Variants in ERC2 observed in about 807,000 individuals in gnomAD.
ERC2 encodes the protein ELKS/RAB6-interacting/CAST family member 2, also known as ERC protein 2.
In ERC2, 42 loss-of-function variants were observed where a neutral mutation model predicts 114.8. The observed-to-expected ratio is 0.37, with a 90% confidence interval of 0.29 to 0.47. The LOEUF is 0.47. ERC2 is among the 20% of genes least tolerant of loss of function. ERC2 has a pLI of 0.99. For missense variants in ERC2, 939 were observed against 1,150.7 expected (o/e 0.82, Z 2.66); for synonymous variants, 454 against 425.5 (o/e 1.07, Z -0.82).
At position 55,571,755 on chromosome 3, in the gene ERC2, A is replaced by G. The variant is rs185158114; in HGVS notation, c.*40-60479T>C. 2.8e-3 allele frequency among the ~76,000 whole-genome samples: 420 copies of G among 152,338 alleles called. 3 individuals carry two copies. The highest frequency in any genetic ancestry group is 8.9e-3 in the African/African-American group (370 of 41,568). On this transcript the variant is annotated intron_variant, in intron 17 of 17. Transcript: ENST00000288221. The stretch of plus-strand genomic sequence containing the variant: ...CTCTTGGAATTGTGAGCAACAAATC[A>G]TCTTTTCAGTGGCCTCACCAGACCT...
At chr3:56,274,314 C>T (rs1049261909) in intron 3 of ERC2, among the ~76,000 whole-genome samples, 4 of 152,210 alleles carry the variant, frequency 2.6e-5, no homozygotes, top group African/African-American at 9.6e-5. Context: ...CTGCCCAGCC[C>T]TGTTTGTGGA....
chr3:55,663,692 T>G (rs2061236231), intron 17 of ERC2, among the ~76,000 whole-genome samples: 2 of 152,238 alleles, frequency 1.3e-5, no homozygotes, highest in Admixed American at 1.3e-4. Context: ...ACATTAAACT[T>G]TGCATTGTTT....
intron 17 of ERC2, among the ~76,000 whole-genome samples, chr3:55,574,651 T>C (rs1363304145): frequency 6.6e-6 from 1 of 152,126 alleles, no homozygotes. Context: ...ACAAGAGTCT[T>C]GTAGAGCCAC....
intron 15 of ERC2, among the ~76,000 whole-genome samples, chr3:55,703,239 C>T (rs1415232985): frequency 6.6e-6 from 1 of 152,164 alleles, no homozygotes; most frequent in Non-Finnish European, 1.5e-5. Context: ...AGGAAAACAG[C>T]CTGGGTCTTT....
intron 2 of ERC2, among the ~76,000 whole-genome samples, chr3:56,369,082 C>T (rs1187214457): frequency 6.6e-6 from 1 of 152,184 alleles, no homozygotes; most frequent in Non-Finnish European, 1.5e-5. Flanking sequence ...CCCAAGGCAG[C>T]GGGCCAAGAA....
At chr3:55,548,909 C>A (rs1359855294) in intron 17 of ERC2, among the ~76,000 whole-genome samples, 1 of 152,156 alleles carries the variant, frequency 6.6e-6, no homozygotes, top group Non-Finnish European at 1.5e-5. Flanking sequence ...TCTCCAGCAG[C>A]CAGATCCTTC....
chr3:55,696,678 A>G (rs1440359133), intron 16 of ERC2, among the ~76,000 whole-genome samples: 1 of 152,170 alleles, frequency 6.6e-6, no homozygotes, highest in Non-Finnish European at 1.5e-5. Context: ...TTATTCTGGG[A>G]CTTAGATTTA....
chr3:55,875,452 G>A (rs1002907115), intron 14 of ERC2, among the ~76,000 whole-genome samples: 1 of 152,124 alleles, frequency 6.6e-6, no homozygotes, highest in Non-Finnish European at 1.5e-5. Context: ...TAAGATCCCA[G>A]GGAACTGGCT....
rs149737140 is a variant in ERC2, at chr3:55,855,544, G to C, written c.2564+32845C>G. Among the ~76,000 whole-genome samples the C allele has an allele frequency of 2.9e-3, 449 of 152,298 alleles. 11 individuals are homozygous for C. The East Asian group carries it at 0.057, about 19-fold the overall frequency. On this transcript the variant is annotated intron_variant, in intron 14 of 17. Coordinates refer to ENST00000288221, the MANE Select transcript of ERC2 (RefSeq NM_015576.3). ...TCTTGCCATGACATTTCTTTGGTAG[G>C]GGGGGATGATTTACCATTTAAACCA...
At chr3:55,635,421 C>G (rs1364681208) in intron 17 of ERC2, among the ~76,000 whole-genome samples, 1 of 151,032 alleles carries the variant, frequency 6.6e-6, no homozygotes, top group Non-Finnish European at 1.5e-5. Flanking sequence ...CTCTTTGTCT[C>G]GCTCTGTCAC....
chr3:56,446,625 CTTTCTTTTTTTTTT>C (rs1282389881), intron 1 of ERC2, among the ~76,000 whole-genome samples: 3 of 112,360 alleles, frequency 2.7e-5, no homozygotes, highest in African/African-American at 1.0e-4. Context: ...TTTTTTTTTT[CTTTCTTTTTTTTTT>C]TTTTGAGACG....
At chr3:56,286,645 T>A (rs1442339802) in intron 3 of ERC2, among the ~76,000 whole-genome samples, 1 of 152,098 alleles carries the variant, frequency 6.6e-6, no homozygotes, top group Non-Finnish European at 1.5e-5. Context: ...AAGAGGCAGA[T>A]AGTAAATACT....
chr3:56,013,718 G>C (rs1048169095), intron 8 of ERC2, among the ~76,000 whole-genome samples: 1 of 152,152 alleles, frequency 6.6e-6, no homozygotes, highest in African/African-American at 2.4e-5. Context: ...TAAAATGGAA[G>C]AGCATAGATT....
chr3:56,118,761 C>T (rs568556981), intron 6 of ERC2, among the ~76,000 whole-genome samples: 242 of 151,516 alleles, frequency 1.6e-3, no homozygotes, highest in African/African-American at 5.6e-3. Context: ...CTCAGCCTCC[C>T]GAGTAGCTGG....
chr3:56,267,936 T>C (rs956877147), intron 3 of ERC2, among the ~76,000 whole-genome samples: 2 of 152,180 alleles, frequency 1.3e-5, no homozygotes, highest in Admixed American at 6.5e-5. Context: ...TATTCCAGTA[T>C]TGCATAATGG....
chr3:56,255,298 C>G (rs1186585184), intron 3 of ERC2, among the ~76,000 whole-genome samples: 1 of 152,150 alleles, frequency 6.6e-6, no homozygotes, highest in African/African-American at 2.4e-5. Flanking sequence ...GGCTGTAACC[C>G]CCACCACGGA....
At chr3:56,452,347 A>C (rs1344009974) in intron 1 of ERC2, among the ~76,000 whole-genome samples, 1 of 152,220 alleles carries the variant, frequency 6.6e-6, no homozygotes, top group Non-Finnish European at 1.5e-5. Context: ...TTGAATCATC[A>C]CCCAGTGCAC....
chr3:55,555,976 G>A (rs770253444), intron 17 of ERC2, among the ~76,000 whole-genome samples: 57 of 152,204 alleles, frequency 3.7e-4, no homozygotes, highest in Non-Finnish European at 6.5e-4. Context: ...CAAGCCCCAC[G>A]ACTGAGCTCA....
intron 14 of ERC2, among the ~76,000 whole-genome samples, chr3:55,740,433 G>A (rs541280123): frequency 6.6e-6 from 1 of 152,016 alleles, no homozygotes; most frequent in African/African-American, 2.4e-5. Flanking sequence ...AATAAAATTA[G>A]TGTAACTAAG....
Sources: gnomAD v4.1 joint callset for allele counts (sites outside exome capture counted in the v4.1 genomes callset) on GRCh38, gnomAD v4.1.1 for gene constraint, MANE v1.5 for transcripts, NCBI Gene and HGNC (gene_info 2026-07-23, HGNC 2026-07-21) for gene names.